ELAPOR1: variants seen among roughly 807,000 people sequenced by gnomAD.
ELAPOR1 encodes the protein endosome/lysosome-associated apoptosis and autophagy regulator 1.
Under a neutral mutation model 119.7 loss-of-function variants are expected in ELAPOR1, and 77 were observed. The ratio of observed to expected loss-of-function variants is 0.64; its 90% confidence interval spans 0.54 to 0.78. The LOEUF (loss-of-function observed/expected upper bound fraction) is 0.78, where lower values mean the gene tolerates loss of function less well. Ranked by LOEUF, ELAPOR1 falls within the 30% of genes least tolerant of loss-of-function variation. The pLI is 0.00. For missense variants in ELAPOR1, 1,115 were observed against 1,270.4 expected, an observed-to-expected ratio of 0.88 and a Z score of 1.86; for synonymous variants, 481 against 487.2, an observed-to-expected ratio of 0.99 and a Z score of 0.17.
Position 109,197,506 on chromosome 1 carries a change from C to G in ELAPOR1, c.2154C>G (p.Val718=), listed in dbSNP as rs61756684. Residue 718 remains valine, a synonymous_variant, in exon 16 of 22, where the codon GTC becomes GTG. Coordinates refer to ENST00000369939, the MANE Select transcript of ELAPOR1 (RefSeq NM_020775.5). The part of the protein sequence containing the change: ...GRKMSVCTDN[V]TDLRIPEGES... ...AAATGTCTGTGTGCACCGACAATGT[C>G]ACTGACCTCCGGATTCCTGAGGGTG... 7,052 of 1,614,172 alleles carry G rather than the reference C, an allele frequency of 4.4e-3. 230 individuals carry two copies. The African/African-American group carries it at 0.075, about 17-fold the overall frequency.
At chr1:109,171,724 A>G (rs1202884483) in intron 3 of ELAPOR1, 142 bp from the exon 4 acceptor site, 2 of 835,932 alleles carry the variant, frequency 2.4e-6, no homozygotes, top group East Asian at 2.7e-5. Flanking sequence ...TTCTTCACTG[A>G]GCATTTTCAG....
At chr1:109,189,773 G>A (rs918580283) in intron 11 of ELAPOR1, 91 bp downstream of exon 11, 22 of 916,790 alleles carry the variant, frequency 2.4e-5, no homozygotes, top group Admixed American at 1.0e-4. Context: ...GAGGGCTTCC[G>A]GGGTTGTGTT....
In ELAPOR1 at chr1:109,202,951, CT is replaced by C. The variant is rs1399279514; in HGVS notation, c.2982del (p.Asp995MetfsTer8). On this transcript the variant is annotated frameshift_variant, in exon 22 of 22. Coordinates refer to ENST00000369939, the MANE Select transcript of ELAPOR1 (RefSeq NM_020775.5). LOFTEE classifies it high-confidence loss of function. ...KIKSFTSKRT[P>X]DGFDSVPLKT... ...TCACCATCTCTCTTTCAGAGGACTC[CT>C]GATGGATTTGACTCAGTGCCGCTGA... 6.2e-7 allele frequency: 1 copy of C among 1,613,902 alleles called. No homozygotes were observed. The highest frequency in any genetic ancestry group is 1.1e-5 in the South Asian group (1 of 90,968).
rs150302820 is a variant in ELAPOR1 at position 109,194,383 on chromosome 1, C to T, written c.1948-38C>T. On this transcript the variant is annotated intron_variant, in intron 14 of 21. Transcript: ENST00000369939. ...TTGGCTGCAGGCCCTCAAGGCCCTT[C>T]CTGACCAGCTGGCCCGACCCGTCCC... 80 of 1,594,732 alleles carry T rather than the reference C, an allele frequency of 5.0e-5. No individual in the cohort carries two copies. The African/African-American group carries it at 8.5e-4, about 17-fold the overall frequency.
chr1:109,165,594 A>G (rs905357652), intron 3 of ELAPOR1, among the ~76,000 whole-genome samples: 6 of 151,784 alleles, frequency 4.0e-5, no homozygotes, highest in South Asian at 2.1e-4. Context: ...TAAAAAAAAA[A>G]AAAAAAGAAA....
At chr1:109,116,937 C>T (rs976286729) in intron 1 of ELAPOR1, among the ~76,000 whole-genome samples, 7 of 152,282 alleles carry the variant, frequency 4.6e-5, no homozygotes, top group Admixed American at 3.3e-4. Flanking sequence ...GTGATCCACC[C>T]GCCTTGGCCT....
chr1:109,148,685 A>G (rs1650340179), intron 1 of ELAPOR1, among the ~76,000 whole-genome samples: 1 of 152,202 alleles, frequency 6.6e-6, no homozygotes, highest in Non-Finnish European at 1.5e-5. Flanking sequence ...ACATATCCAA[A>G]CAAGCAATGT....
chr1:109,125,017 C>T (rs907618038), intron 1 of ELAPOR1, among the ~76,000 whole-genome samples: 2 of 152,132 alleles, frequency 1.3e-5, no homozygotes, highest in African/African-American at 4.8e-5. Context: ...CAACCTCCAC[C>T]TCCCAGGTTC....
intron 1 of ELAPOR1, 44 bp from the exon 2 acceptor site, chr1:109,161,850 A>T (rs770940788): frequency 6.3e-7 from 1 of 1,574,978 alleles, no homozygotes; most frequent in Non-Finnish European, 8.7e-7. Flanking sequence ...TTAATGTTTG[A>T]TCACTGCTAA....
intron 1 of ELAPOR1, among the ~76,000 whole-genome samples, chr1:109,136,541 C>G (rs918351697): frequency 6.6e-6 from 1 of 152,182 alleles, no homozygotes; most frequent in Admixed American, 6.5e-5. Flanking sequence ...TTTGTTACAG[C>G]AGCCCTGAAA....
chr1:109,166,540 T>G (rs1651612677), intron 3 of ELAPOR1, among the ~76,000 whole-genome samples: 1 of 152,188 alleles, frequency 6.6e-6, no homozygotes, highest in Non-Finnish European at 1.5e-5. Flanking sequence ...ATATATTATT[T>G]TCTCTAATTC....
intron 3 of ELAPOR1, among the ~76,000 whole-genome samples, chr1:109,169,578 T>C (rs1345613191): frequency 6.6e-6 from 1 of 152,176 alleles, no homozygotes; most frequent in East Asian, 1.9e-4. Flanking sequence ...ACTGGAAACC[T>C]GGGCTGGTCT....
At chr1:109,149,340 C>T (rs956879365) in intron 1 of ELAPOR1, among the ~76,000 whole-genome samples, 3 of 151,816 alleles carry the variant, frequency 2.0e-5, no homozygotes, top group Admixed American at 6.6e-5. Context: ...AAGAGCTTGC[C>T]TAAACATAAT....
At chr1:109,116,005 G>T (rs1167398930) in intron 1 of ELAPOR1, among the ~76,000 whole-genome samples, 2 of 152,206 alleles carry the variant, frequency 1.3e-5, no homozygotes, top group Non-Finnish European at 2.9e-5. Flanking sequence ...TGAGTGGAAG[G>T]TAAGAATCAT....
chr1:109,192,545 A>G lies in ELAPOR1; in HGVS notation c.1684-66A>G, dbSNP rs573998765. The G allele has an allele frequency of 1.6e-5, 25 of 1,523,020 alleles. No homozygotes were observed. The African/African-American group carries it at 2.9e-4, about 18-fold the overall frequency. The allele number at this position is 1,523,020 out of a possible 1,614,324, so 94.3% of individuals were successfully genotyped here. ...GAAGATTAAGTACCTTGCTCTTTCT[A>G]GAGGCCTCAATTGTTGCTGCTGTCT... On this transcript the variant is annotated intron_variant, in intron 13 of 21. Transcript: ENST00000369939.
intron 1 of ELAPOR1, among the ~76,000 whole-genome samples, chr1:109,127,507 C>A (rs1648865134): frequency 6.6e-6 from 1 of 152,100 alleles, no homozygotes; most frequent in African/African-American, 2.4e-5. Context: ...AGCCACCGCA[C>A]CCAGCCTTCA....
intron 7 of ELAPOR1, among the ~76,000 whole-genome samples, chr1:109,177,510 A>G (rs1376723327): frequency 7.1e-5 from 8 of 112,870 alleles, no homozygotes; most frequent in East Asian, 2.9e-4. Context: ...GCGGCCGGGA[A>G]GAGGCGCTCC....
intron 3 of ELAPOR1, among the ~76,000 whole-genome samples, chr1:109,165,628 C>A (rs988231613): frequency 6.6e-5 from 10 of 151,048 alleles, no homozygotes; most frequent in Admixed American, 5.3e-4. Context: ...ACCAAAAAAA[C>A]CAACCGGATT....
At position 109,172,530 on chromosome 1, in the gene ELAPOR1, T is replaced by A; in HGVS notation, c.658T>A (p.Trp220Arg). 6.2e-7 allele frequency: 1 copy of A among 1,613,842 alleles called. No individual in the cohort carries two copies. The highest frequency in any genetic ancestry group is 8.5e-7 in the Non-Finnish European group (1 of 1,179,848). ...CCAGCCCAATGCAGATGACTCCAGG[T>A]GGATGAAGACCACAGAGAAAGGATG... is the stretch of plus-strand genomic sequence containing the variant. Reference protein sequence around the residue: ...QCQPNADDSRWMKTTEKGWEF... With the variant: ...QCQPNADDSRRMKTTEKGWEF... The change falls in exon 5 of 22, where the codon TGG becomes AGG. Residue 220 changes from tryptophan to arginine, a missense_variant. Transcript: ENST00000369939.
Sources: gnomAD v4.1 joint callset for allele counts (sites outside exome capture counted in the v4.1 genomes callset) on GRCh38, gnomAD v4.1.1 for gene constraint, MANE v1.5 for transcripts, NCBI Gene and HGNC (gene_info 2026-07-23, HGNC 2026-07-21) for gene names.